The following SUGP1 variants were observed in gnomAD, a reference collection of about 807,000 sequenced individuals.
The protein encoded by SUGP1 is SURP and G-patch domain-containing protein 1.
SUGP1 carries 34 observed loss-of-function variants against 76.5 expected under a neutral mutation model. The observed-to-expected ratio is 0.44, with a 90% CI of 0.34 to 0.59. SUGP1 has a LOEUF of 0.59. SUGP1 is among the 20% of genes least tolerant of loss of function. SUGP1 has a pLI of 0.01. For missense variants in SUGP1, 752 were observed against 851.7 expected (o/e 0.88, Z 1.46); for synonymous variants, 326 against 326.2 (o/e 1.00, Z 0.01).
In SUGP1 at chr19:19,276,967, G is replaced by A. The variant is rs747671249; in HGVS notation, c.1891C>T (p.Arg631Cys). 17 of 1,612,978 alleles carry A rather than the reference G, an allele frequency of 1.1e-5. No homozygotes were observed. The highest frequency in any genetic ancestry group is 8.3e-5 in the Admixed American group (5 of 60,008). ...AFRKRMMLAYRFRPNPLNNPR... is the reference protein window; with the variant it reads ...AFRKRMMLAYCFRPNPLNNPR... ...CGTACCAGGGGGTTGGGCCGGAAGC[G>A]GTAGGCCAGCATCATCCTCTTGCGG... The change falls in exon 13 of 14, where the codon CGC becomes TGC. Residue 631 changes from arginine to cysteine, a missense_variant. This residue lies in a region of SUGP1 where 132 missense variants were observed against 234.4 expected (regional missense o/e 0.56). Transcript: ENST00000247001.
At chr19:19,300,733 G>A (rs1414517268) in intron 7 of SUGP1, among the ~76,000 whole-genome samples, 2 of 152,094 alleles carry the variant, frequency 1.3e-5, no homozygotes, top group Non-Finnish European at 2.9e-5. Flanking sequence ...CTGGCTGCCC[G>A]GGGTACCCAC....
intron 2 of SUGP1, among the ~76,000 whole-genome samples, chr19:19,314,276 T>G (rs931245469): frequency 1.3e-5 from 2 of 152,038 alleles, no homozygotes; most frequent in Non-Finnish European, 2.9e-5. Context: ...TGAGCCGAGA[T>G]GGCACCACTA....
chr19:19,310,326 C>A, intron 2 of SUGP1, 126 bp from the exon 3 acceptor site: 1 of 715,722 alleles, frequency 1.4e-6, no homozygotes, highest in Middle Eastern at 3.6e-4. Context: ...CCAGCACTCT[C>A]ACCTACTGGG....
At chr19:19,304,863 G>A (rs931161228) in intron 4 of SUGP1, among the ~76,000 whole-genome samples, 1 of 152,126 alleles carries the variant, frequency 6.6e-6, no homozygotes, top group Admixed American at 6.5e-5. Context: ...AGAGCATTCC[G>A]TGACTGTCTT....
At chr19:19,316,208 T>A (rs754849227) in intron 2 of SUGP1, 61 of 594,022 alleles carry the variant, frequency 1.0e-4, no homozygotes, top group Non-Finnish European at 1.7e-4. Flanking sequence ...AACTGCTGAG[T>A]GGATGAGTTG....
Position 19,316,434 on chromosome 19 carries a change from G to A in SUGP1, c.194C>T (p.Pro65Leu). The A allele has an allele frequency of 1.2e-6, 2 of 1,613,904 alleles. No individual in the cohort carries two copies. Among genetic ancestry groups the A allele is most frequent in the African/African-American group, 1.3e-5 (1 of 74,974 alleles). ...KQNQVASPQP[P>L]HPGEITNAHN... Reference sequence around the variant, plus strand: ...AGCAGGCACTTACTCGCCAGGATGTGGGGGCTGAGGGCTGGCCACCTGATT... The same window carrying A: ...AGCAGGCACTTACTCGCCAGGATGTAGGGGCTGAGGGCTGGCCACCTGATT... The change falls in exon 2 of 14, where the codon CCA (proline) becomes CTA (leucine). Residue 65 changes from proline to leucine, a missense_variant. Transcript: ENST00000247001.
intron 7 of SUGP1, among the ~76,000 whole-genome samples, chr19:19,301,014 G>A (rs1454833604): frequency 6.6e-6 from 1 of 152,178 alleles, no homozygotes; most frequent in Non-Finnish European, 1.5e-5. Flanking sequence ...CACAGTCAGT[G>A]TCTACCTACA....
chr19:19,277,922 TGTG>T, intron 11 of SUGP1, 43 bp from the exon 12 acceptor site: 1 of 1,605,876 alleles, frequency 6.2e-7, no homozygotes, highest in Non-Finnish European at 8.5e-7. Context: ...GGGCTGGGGC[TGTG>T]GTGGCCCCCA....
chr19:19,311,843 T>C (rs1599870888), intron 2 of SUGP1, among the ~76,000 whole-genome samples: 1 of 151,302 alleles, frequency 6.6e-6, no homozygotes, highest in Non-Finnish European at 1.5e-5. Flanking sequence ...CTAAGCATGG[T>C]GGCTCATCCC....
intron 1 of SUGP1, among the ~76,000 whole-genome samples, chr19:19,318,116 T>TTCTTTTC (rs1323779292): frequency 2.2e-5 from 3 of 136,638 alleles, no homozygotes; most frequent in Non-Finnish European, 3.1e-5. Flanking sequence ...CAGCCTTCTT[T>TTCTTTTC]TTTTTTTTTT....
intron 3 of SUGP1, among the ~76,000 whole-genome samples, chr19:19,307,499 C>G (rs2061325678): frequency 1.3e-5 from 2 of 152,092 alleles, no homozygotes; most frequent in Admixed American, 1.3e-4. Context: ...TGGAACAAAA[C>G]GCACACTATG....
intron 8 of SUGP1, among the ~76,000 whole-genome samples, chr19:19,290,329 T>C (rs576702166): frequency 1.3e-5 from 2 of 152,288 alleles, no homozygotes; most frequent in African/African-American, 4.8e-5. Flanking sequence ...TTATTTTTAA[T>C]GTTTAGATAA....
rs765070785 is a variant in SUGP1, at chr19:19,278,680, C to G, written c.1635+10G>C. On this transcript the variant is annotated intron_variant, in intron 11 of 13. Coordinates refer to ENST00000247001, the MANE Select transcript of SUGP1 (RefSeq NM_172231.4). ...GGCAGAGGCTGGAGCTAGGGCCCCT[C>G]CTGGCTCACCTTCAGGGCCTTGAAG... The G allele has an allele frequency of 1.9e-6, 3 of 1,606,710 alleles. No individual in the cohort carries two copies. Among genetic ancestry groups the G allele is most frequent in the Non-Finnish European group, 1.7e-6 (2 of 1,176,710 alleles).
At chr19:19,305,566 G>A (rs1364741018) in intron 4 of SUGP1, 4 of 345,966 alleles carry the variant, frequency 1.2e-5, no homozygotes, top group African/African-American at 6.3e-5. Context: ...AAGGGCGTGC[G>A]CCCCTGCCTT....
rs372492652 is a variant in SUGP1, at chr19:19,278,729, G to A, written c.1596C>T (p.Asp532=). 71 of 1,613,854 alleles carry A rather than the reference G, an allele frequency of 4.4e-5. No individual in the cohort carries two copies. Among genetic ancestry groups the A allele is most frequent in the African/African-American group, 4.0e-4 (30 of 74,880 alleles). ...KHFIGDFLPP[D]ELEKFMETFK... is the part of the protein sequence containing the mutation. ...AGGTCTCCATAAACTTTTCCAGCTC[G>A]TCTGGAGGCAGGAAGTCTCCGATGA... is the stretch of plus-strand genomic sequence containing the variant. The change falls in exon 11 of 14, where the codon GAC becomes GAT. Residue 532 remains aspartate (D), a synonymous_variant. Transcript: ENST00000247001.
At chr19:19,319,449 TG>T in intron 1 of SUGP1, among the ~76,000 whole-genome samples, 1 of 151,318 alleles carries the variant, frequency 6.6e-6, no homozygotes, top group East Asian at 2.0e-4. Flanking sequence ...GGCCTTTCCC[TG>T]GGCCAGGTGT....
chr19:19,318,117 T>TC lies in SUGP1; in HGVS notation c.35-1525_35-1524insG, dbSNP rs1555791508. 2.4e-4 allele frequency among the ~76,000 whole-genome samples: 32 copies of TC among 133,746 alleles called. No homozygotes were observed. The South Asian group carries it at 3.3e-3, about 14-fold the overall frequency. 87.7% of individuals were successfully genotyped at this position (133,746 alleles called of 152,430 possible). A position where few individuals can be genotyped will look rare whatever the true frequency, so the allele number is the denominator to read the frequency against. On this transcript the variant is annotated intron_variant, in intron 1 of 13. Transcript: ENST00000247001. ...TGAGCCACCGAACCCAGCCTTCTTT[T>TC]TTTTTTTTTTTTTTTTTGAGATGAA...
intron 1 of SUGP1, among the ~76,000 whole-genome samples, chr19:19,318,261 G>A (rs1382130333): frequency 6.6e-6 from 1 of 151,552 alleles, no homozygotes; most frequent in East Asian, 1.9e-4. Flanking sequence ...GGGACTACAG[G>A]CATCTGCCGC....
chr19:19,311,042 G>T (rs909631245), intron 2 of SUGP1, among the ~76,000 whole-genome samples: 1 of 149,562 alleles, frequency 6.7e-6, no homozygotes, highest in Admixed American at 6.8e-5. Context: ...ACTCTGCCTG[G>T]CTAATTTTTT....
Sources: gnomAD v4.1 joint callset for allele counts (sites outside exome capture counted in the v4.1 genomes callset) on GRCh38, gnomAD v4.1.1 for gene constraint, gnomAD v4.1.1 regional missense constraint, MANE v1.5 for transcripts, NCBI Gene and HGNC (gene_info 2026-07-23, HGNC 2026-07-21) for gene names.